AUTS2: variants seen among roughly 807,000 people sequenced by gnomAD.
AUTS2 encodes autism susceptibility gene 2 protein.
In AUTS2, 17 loss-of-function variants were observed where a neutral mutation model predicts 112.4. The observed-to-expected ratio is 0.15, with a 90% CI of 0.10 to 0.23. The LOEUF is 0.23. Among genes scored for constraint, AUTS2 ranks in the 10% least tolerant of loss-of-function variants. The pLI, the probability that AUTS2 is intolerant of heterozygous loss-of-function variation, is 1.00. For missense variants in AUTS2, 1,510 were observed against 1,701.6 expected (o/e 0.89, Z 1.98); for synonymous variants, 751 against 702.7 (o/e 1.07, Z -1.09).
At chr7:69,982,982 A>G (rs1798358377) in intron 2 of AUTS2, among the ~76,000 whole-genome samples, 1 of 152,206 alleles carries the variant, frequency 6.6e-6, no homozygotes, top group South Asian at 2.1e-4. Context: ...TGTGAACAGT[A>G]AGCCCAGAAT....
At chr7:70,728,161 T>C (rs1351879903) in intron 6 of AUTS2, among the ~76,000 whole-genome samples, 1 of 143,504 alleles carries the variant, frequency 7.0e-6, no homozygotes, top group East Asian at 2.7e-4. Context: ...ACATCGCTTA[T>C]AGAAACAAAT....
At chr7:70,424,077 C>T (rs1339289161) in intron 4 of AUTS2, among the ~76,000 whole-genome samples, 1 of 152,168 alleles carries the variant, frequency 6.6e-6, no homozygotes, top group African/African-American at 2.4e-5. Context: ...GGGTGTGTAT[C>T]ATCGCCATTC....
chr7:70,789,195 G>C (rs1242501534), intron 18 of AUTS2, among the ~76,000 whole-genome samples: 1 of 152,184 alleles, frequency 6.6e-6, no homozygotes, highest in Non-Finnish European at 1.5e-5. Context: ...CTTGGAGATG[G>C]CTCTGTATCC....
chr7:70,574,899 G>A (rs1311350051), intron 5 of AUTS2, among the ~76,000 whole-genome samples: 4 of 152,118 alleles, frequency 2.6e-5, no homozygotes, highest in African/African-American at 7.2e-5. Context: ...ACCTGTTCTC[G>A]CTTTAGGATT....
chr7:70,625,180 G>T (rs1282385092), intron 5 of AUTS2, among the ~76,000 whole-genome samples: 2 of 152,208 alleles, frequency 1.3e-5, no homozygotes, highest in African/African-American at 4.8e-5. Context: ...AGATTCTCTT[G>T]TAGTACATTT....
intron 5 of AUTS2, among the ~76,000 whole-genome samples, chr7:70,558,544 G>A (rs759022385): frequency 1.3e-5 from 2 of 152,170 alleles, no homozygotes; most frequent in Non-Finnish European, 2.9e-5. Flanking sequence ...AAAGCTCGAG[G>A]TAACCAAGTG....
chr7:70,702,364 A>T (rs558706672), intron 6 of AUTS2, among the ~76,000 whole-genome samples: 1 of 152,196 alleles, frequency 6.6e-6, no homozygotes, highest in Non-Finnish European at 1.5e-5. Context: ...CCTCCTTCCC[A>T]GGATTTAGCC....
intron 5 of AUTS2, among the ~76,000 whole-genome samples, chr7:70,616,480 T>C (rs559066377): frequency 1.1e-4 from 16 of 152,288 alleles, no homozygotes; most frequent in Admixed American, 3.3e-4. Context: ...GGTGACACCA[T>C]GTGCCCTGCT....
At chr7:69,822,410 C>T (rs1791039556) in intron 1 of AUTS2, among the ~76,000 whole-genome samples, 1 of 152,046 alleles carries the variant, frequency 6.6e-6, no homozygotes, top group Admixed American at 6.6e-5. Context: ...CTGTTTGAGC[C>T]CAGGAATTGG....
intron 1 of AUTS2, among the ~76,000 whole-genome samples, chr7:69,760,169 A>C (rs1788117703): frequency 1.3e-5 from 2 of 148,952 alleles, no homozygotes; most frequent in African/African-American, 2.5e-5. Context: ...TTAATTGGAG[A>C]TAATTAAAAA....
At chr7:69,679,681 C>CTG (rs1334277965) in intron 1 of AUTS2, among the ~76,000 whole-genome samples, 1 of 152,144 alleles carries the variant, frequency 6.6e-6, no homozygotes, top group Non-Finnish European at 1.5e-5. Context: ...AAAGAGAAGA[C>CTG]TGTGTGTACT....
intron 5 of AUTS2, among the ~76,000 whole-genome samples, chr7:70,582,445 A>G (rs1477046798): frequency 6.6e-6 from 1 of 152,172 alleles, no homozygotes; most frequent in East Asian, 1.9e-4. Flanking sequence ...TGTGGAGAGT[A>G]TGTATATTTG....
At chr7:70,331,095 A>G (rs10231510) in intron 4 of AUTS2, among the ~76,000 whole-genome samples, 4 of 151,556 alleles carry the variant, frequency 2.6e-5, no homozygotes, top group Non-Finnish European at 2.9e-5. Flanking sequence ...CTTTTTTTCT[A>G]TTGTTTGTAA....
intron 1 of AUTS2, among the ~76,000 whole-genome samples, chr7:69,831,561 C>T (rs1487213107): frequency 3.3e-5 from 5 of 151,968 alleles, no homozygotes; most frequent in Non-Finnish European, 7.4e-5. Context: ...CTCCTATGTC[C>T]ACTGTAAGCC....
intron 5 of AUTS2, among the ~76,000 whole-genome samples, chr7:70,590,345 C>T (rs997500040): frequency 1.3e-5 from 2 of 152,118 alleles, no homozygotes; most frequent in African/African-American, 4.8e-5. Context: ...AGTTCACGGG[C>T]TGGTGACGGA....
intron 1 of AUTS2, among the ~76,000 whole-genome samples, chr7:69,700,418 T>C (rs893685921): frequency 1.4e-4 from 21 of 152,158 alleles, no homozygotes; most frequent in African/African-American, 5.1e-4. Context: ...TCTTTTCTTA[T>C]GCCCTCATTA....
At chr7:69,733,077 C>T (rs585282) in intron 1 of AUTS2, among the ~76,000 whole-genome samples, 92,192 of 152,038 alleles carry the variant, frequency 0.61, 28,350 homozygotes, top group East Asian at 0.71. Context: ...TCATCTAGTC[C>T]GTTCCATTAA....
At chr7:70,386,694 C>T (rs1176555705) in intron 4 of AUTS2, among the ~76,000 whole-genome samples, 1 of 152,156 alleles carries the variant, frequency 6.6e-6, no homozygotes, top group African/African-American at 2.4e-5. Context: ...GTTCTTACAT[C>T]TTTTATAGTC....
intron 2 of AUTS2, among the ~76,000 whole-genome samples, chr7:70,062,239 A>G (rs911808700): frequency 6.6e-6 from 1 of 151,942 alleles, no homozygotes; most frequent in African/African-American, 2.4e-5. Context: ...GGCAGGGCAC[A>G]GTGGCTCATG....
Sources: gnomAD v4.1 joint callset for allele counts (sites outside exome capture counted in the v4.1 genomes callset) on GRCh38, gnomAD v4.1.1 for gene constraint, MANE v1.5 for transcripts, NCBI Gene and HGNC (gene_info 2026-07-23, HGNC 2026-07-21) for gene names.